The following PLAT variants were observed in gnomAD, a reference collection of about 807,000 sequenced individuals.
PLAT encodes the protein plasminogen activator, tissue type.
In PLAT, 48 loss-of-function variants were observed where a neutral mutation model predicts 74.9. The observed-to-expected ratio is 0.64, with a 90% CI of 0.51 to 0.82. PLAT has a LOEUF of 0.82. PLAT is among the 40% of genes least tolerant of loss of function. The probability of loss-of-function intolerance (pLI) is 0.00; values close to 1 mark genes in which losing one functional copy is unlikely to be tolerated. For synonymous variants in PLAT, 307 were observed against 294.4 expected (o/e 1.04, Z -0.44); for missense variants, 673 against 736.2 (o/e 0.91, Z 0.99).
At chr8:42,192,002 C>CTTTTT (rs1177070988) in intron 2 of PLAT, among the ~76,000 whole-genome samples, 2 of 127,136 alleles carry the variant, frequency 1.6e-5, no homozygotes, top group African/African-American at 5.9e-5. Context: ...TTGCCTTTTT[C>CTTTTT]TTTTTTTTTT....
In PLAT at chr8:42,175,885, G is replaced by A. The variant is rs945141010; in HGVS notation, c.*108C>T. 3 of 1,042,314 alleles carry A rather than the reference G, an allele frequency of 2.9e-6. No homozygotes were observed. The African/African-American group carries it at 4.7e-5, about 16-fold the overall frequency. The allele number at this position is 1,042,314 out of a possible 1,614,324, so 64.6% of individuals were successfully genotyped here. ...TGTAGGGTCTCGTCCCGCTTCTGCG[G>A]TGTGGTGGGTCTGGAGAAGTCTGTA... On this transcript the variant is annotated 3_prime_UTR_variant, in exon 14 of 14. Transcript: ENST00000220809.
rs1805750660 is a variant in PLAT at position 42,193,144 on chromosome 8, C to T, written c.42G>A (p.Leu14=). The change falls in exon 2 of 14, where the codon CTG becomes CTA. Residue 14 remains leucine (L), a synonymous_variant. Coordinates refer to ENST00000220809, the MANE Select transcript of PLAT (RefSeq NM_000930.5). Reference sequence around the variant, plus strand: ...TGGGCGAAACGAAGACTGCTCCACACAGCAGCAGCACACAGCAGAGCCCTC... The same window carrying T: ...TGGGCGAAACGAAGACTGCTCCACATAGCAGCAGCACACAGCAGAGCCCTC... ...MKRGLCCVLL[L]CGAVFVSPSQ... 3 of 1,612,666 alleles carry T rather than the reference C, an allele frequency of 1.9e-6. No homozygotes were observed. The highest frequency in any genetic ancestry group is 2.5e-6 in the Non-Finnish European group (3 of 1,178,632).
chr8:42,205,705 C>T (rs1012356706), intron 1 of PLAT, among the ~76,000 whole-genome samples: 3 of 152,132 alleles, frequency 2.0e-5, no homozygotes, highest in Admixed American at 1.3e-4. Context: ...CTTTCCAGAC[C>T]GAACCGGTGC....
chr8:42,199,466 G>C (rs1193149120), intron 1 of PLAT, among the ~76,000 whole-genome samples: 2 of 152,088 alleles, frequency 1.3e-5, no homozygotes, highest in Non-Finnish European at 2.9e-5. Context: ...TATTTTCCTG[G>C]CAGACCCTGC....
intron 7 of PLAT, among the ~76,000 whole-genome samples, 169 bp from the exon 8 acceptor site, chr8:42,183,059 C>T (rs961563017): frequency 1.3e-5 from 2 of 152,148 alleles, no homozygotes; most frequent in African/African-American, 4.8e-5. Flanking sequence ...GGCTGGAGTG[C>T]AATGCGCGAT....
intron 1 of PLAT, among the ~76,000 whole-genome samples, chr8:42,204,772 C>A (rs1806270696): frequency 6.6e-6 from 1 of 151,694 alleles, no homozygotes. Context: ...GCCTGTAATC[C>A]CAGCACTTTG....
At chr8:42,177,923 C>A (rs1280404298) in intron 13 of PLAT, among the ~76,000 whole-genome samples, 1 of 152,206 alleles carries the variant, frequency 6.6e-6, no homozygotes, top group Non-Finnish European at 1.5e-5. Context: ...CTCTTCTACC[C>A]CCAGCCCCTA....
chr8:42,188,862 C>A, intron 4 of PLAT, 72 bp downstream of exon 4: 1 of 1,367,350 alleles, frequency 7.3e-7, no homozygotes, highest in Non-Finnish European at 1.0e-6. Context: ...CGGGCTCCAG[C>A]GACCCTCCCA....
At chr8:42,180,109 TC>T (rs34122450) in intron 11 of PLAT, 43 bp from the exon 12 acceptor site, 8 of 1,589,844 alleles carry the variant, frequency 5.0e-6, no homozygotes, top group Middle Eastern at 1.7e-4. Context: ...GAGGGCCGCG[TC>T]CCCGGGAGGG....
chr8:42,183,036 C>T (rs1805314061), intron 7 of PLAT, 146 bp from the exon 8 acceptor site: 1 of 596,380 alleles, frequency 1.7e-6, no homozygotes, highest in Admixed American at 3.1e-5. Flanking sequence ...CACACTTCCC[C>T]TTTTGTTGCC....
At chr8:42,197,163 G>A (rs1805941970) in intron 1 of PLAT, among the ~76,000 whole-genome samples, 1 of 152,232 alleles carries the variant, frequency 6.6e-6, no homozygotes, top group South Asian at 2.1e-4. Flanking sequence ...AAAAAACAGA[G>A]TCCGTGGGTT....
intron 1 of PLAT, among the ~76,000 whole-genome samples, chr8:42,198,600 AGTCTGTACTCTT>A (rs1317001752): frequency 1.3e-5 from 2 of 152,260 alleles, no homozygotes; most frequent in Non-Finnish European, 2.9e-5. Flanking sequence ...GGAGAATTAT[AGTCTGTACTCTT>A]GCCAGCAAGA....
chr8:42,180,239 T>C lies in PLAT; in HGVS notation c.1222+3A>G, dbSNP rs373293390. On this transcript the variant is annotated splice_donor_region_variant and intron_variant, in intron 11 of 13. Transcript: ENST00000220809. ...ACTGGAGCCGGGAATGACGAGCTCTTACCAATGTCATTGTCGTAAGTGTCA... is the reference window on the plus strand; with the variant it reads ...ACTGGAGCCGGGAATGACGAGCTCTCACCAATGTCATTGTCGTAAGTGTCA... 2 of 1,614,012 alleles carry C rather than the reference T, an allele frequency of 1.2e-6. No homozygotes were observed. Among genetic ancestry groups the C allele is most frequent in the Non-Finnish European group, 8.5e-7 (1 of 1,179,960 alleles).
At chr8:42,205,585 C>A (rs754191914) in intron 1 of PLAT, among the ~76,000 whole-genome samples, 2 of 152,202 alleles carry the variant, frequency 1.3e-5, no homozygotes, top group Non-Finnish European at 2.9e-5. Context: ...CCTCTGCCCC[C>A]CTCTCATATG....
In PLAT at chr8:42,182,797, A is replaced by T. The variant is rs753090202; in HGVS notation, c.725T>A (p.Met242Lys). The change falls in exon 8 of 14, where the codon ATG becomes AAG. Residue 242 changes from methionine to lysine, a missense_variant. Coordinates refer to ENST00000220809, the MANE Select transcript of PLAT (RefSeq NM_000930.5). ...SGASCLPWNS[M>K]ILIGKVYTAQ... is the part of the protein sequence containing the mutation. ...TGTGTAAACCTTGCCTATCAGGATC[A>T]TGGAATTCCACGGGAGGCAGGAGGC... 1.9e-6 allele frequency: 3 copies of T among 1,613,560 alleles called. No homozygotes were observed. The highest frequency in any genetic ancestry group is 2.7e-5 in the African/African-American group (2 of 74,896).
chr8:42,197,495 G>A (rs1217784866), intron 1 of PLAT, among the ~76,000 whole-genome samples: 2 of 152,230 alleles, frequency 1.3e-5, no homozygotes, highest in South Asian at 2.1e-4. Flanking sequence ...GTTTCCCAGA[G>A]CCAAGGATGC....
intron 7 of PLAT, 137 bp downstream of exon 7, chr8:42,184,944 T>A (rs904228479): frequency 1.2e-5 from 7 of 569,254 alleles, no homozygotes; most frequent in African/African-American, 1.2e-4. Flanking sequence ...GTCCTGTCTT[T>A]CTTCCCTCTG....
At chr8:42,182,123 C>G (rs1055800943) in intron 8 of PLAT, 101 bp from the exon 9 acceptor site, 3 of 715,560 alleles carry the variant, frequency 4.2e-6, no homozygotes, top group Middle Eastern at 2.8e-4. Flanking sequence ...TCTTGAACTC[C>G]TGGGCTCAAG....
At chr8:42,186,825 A>T (rs1273950928) in intron 6 of PLAT, 1 of 148,488 alleles carries the variant, frequency 6.7e-6, no homozygotes, top group African/African-American at 2.4e-5. Flanking sequence ...ATCATCTATC[A>T]ATCTTCTATC....
Sources: gnomAD v4.1 joint callset for allele counts (sites outside exome capture counted in the v4.1 genomes callset) on GRCh38, gnomAD v4.1.1 for gene constraint, MANE v1.5 for transcripts, NCBI Gene and HGNC (gene_info 2026-07-23, HGNC 2026-07-21) for gene names.